ZNF573: variants seen among roughly 807,000 people sequenced by gnomAD.
ZNF573 encodes the protein zinc finger protein 573.
In ZNF573, 41 loss-of-function variants were observed where a neutral mutation model predicts 57.4. The observed-to-expected ratio is 0.71, with a 90% CI of 0.56 to 0.93. The LOEUF (loss-of-function observed/expected upper bound fraction) is 0.93, where lower values mean the gene tolerates loss of function less well. Among genes scored for constraint, ZNF573 ranks in the 40% least tolerant of loss-of-function variants. ZNF573 has a pLI of 0.00. For missense variants in ZNF573, 730 were observed against 794.8 expected (o/e 0.92, Z 0.98); for synonymous variants, 249 against 261.0 (o/e 0.95, Z 0.44).
intron 1 of ZNF573, among the ~76,000 whole-genome samples, chr19:37,774,277 A>G (rs2045687407): frequency 6.6e-6 from 1 of 151,826 alleles, no homozygotes; most frequent in South Asian, 2.1e-4. Context: ...AGCTGGGACT[A>G]CAGGTGCGTA....
chr19:37,755,309 C>G (rs1032787457), intron 4 of ZNF573: 1 of 152,220 alleles, frequency 6.6e-6, no homozygotes. Context: ...AATCTAATTA[C>G]AATGCTTATC....
intron 4 of ZNF573, among the ~76,000 whole-genome samples, chr19:37,747,974 C>A (rs919865229): frequency 6.6e-5 from 10 of 152,226 alleles, no homozygotes; most frequent in Non-Finnish European, 1.2e-4. Context: ...GCATGAGCCA[C>A]CGCGCCCGGC....
At chr19:37,753,098 A>G (rs550743733) in intron 4 of ZNF573, among the ~76,000 whole-genome samples, 2 of 152,148 alleles carry the variant, frequency 1.3e-5, no homozygotes, top group Non-Finnish European at 2.9e-5. Context: ...CTACAAAAAA[A>G]TTTTTAAAAA....
chr19:37,760,473 T>C (rs941658032), intron 4 of ZNF573, among the ~76,000 whole-genome samples: 1 of 152,150 alleles, frequency 6.6e-6, no homozygotes, highest in Non-Finnish European at 1.5e-5. Flanking sequence ...GAGTCCATAT[T>C]GATATAAATA....
chr19:37,750,831 C>CAAA (rs537735677), intron 4 of ZNF573, among the ~76,000 whole-genome samples: 3 of 98,210 alleles, frequency 3.1e-5, no homozygotes, highest in Admixed American at 1.1e-4. Flanking sequence ...GACCCAGTCT[C>CAAA]AAAAAAAAAA....
At chr19:37,752,016 T>G (rs2045442152) in intron 4 of ZNF573, among the ~76,000 whole-genome samples, 1 of 148,758 alleles carries the variant, frequency 6.7e-6, no homozygotes, top group Non-Finnish European at 1.5e-5. Context: ...TAGTACATAG[T>G]ACCGTATATA....
In ZNF573 at chr19:37,739,318, C is replaced by T. The variant is rs1599679797; in HGVS notation, c.1172G>A (p.Cys391Tyr). 1.2e-6 allele frequency: 2 copies of T among 1,614,042 alleles called. No individual in the cohort carries two copies. Among genetic ancestry groups the T allele is most frequent in the South Asian group, 1.1e-5 (1 of 91,076 alleles). Reference protein sequence around the residue: ...TGEKLFECKQCGKTYTTGSKL... With the variant: ...TGEKLFECKQYGKTYTTGSKL... ...TGAACCAGTAGTATAGGTCTTCCCA[C>T]ATTGCTTGCATTCAAAAAGTTTCTC... is the stretch of plus-strand genomic sequence containing the variant. The change falls in exon 5 of 5, where the codon TGT (cysteine) becomes TAT (tyrosine). Residue 391 changes from cysteine to tyrosine, a missense_variant. Physicochemically the swap from Cys to Tyr is radical, Grantham distance 194. Coordinates refer to ENST00000536220, the MANE Select transcript of ZNF573 (RefSeq NM_001172690.2).
intron 4 of ZNF573, among the ~76,000 whole-genome samples, chr19:37,762,992 C>T (rs992221550): frequency 3.9e-5 from 6 of 151,970 alleles, no homozygotes; most frequent in Admixed American, 2.0e-4. Context: ...AGGCTGGTCT[C>T]GAACTCCTGA....
intron 4 of ZNF573, among the ~76,000 whole-genome samples, chr19:37,768,255 C>T (rs772358796): frequency 6.6e-6 from 1 of 152,094 alleles, no homozygotes; most frequent in Non-Finnish European, 1.5e-5. Flanking sequence ...TGGTTCTAAT[C>T]CTTCTTATTC....
At chr19:37,748,623 C>T (rs1198920133) in intron 4 of ZNF573, among the ~76,000 whole-genome samples, 1 of 151,914 alleles carries the variant, frequency 6.6e-6, no homozygotes, top group Non-Finnish European at 1.5e-5. Context: ...AGTAAGGTAA[C>T]ACCAAGATAA....
chr19:37,749,818 G>A (rs79825853), intron 4 of ZNF573, among the ~76,000 whole-genome samples: 4,836 of 152,212 alleles, frequency 0.032, 111 homozygotes, highest in Non-Finnish European at 0.052. Flanking sequence ...ACAGTAAGAT[G>A]GCATTAGGAT....
In ZNF573 at chr19:37,739,218, G is replaced by A; in HGVS notation, c.1272C>T (p.Ser424=). Reference sequence around the variant, plus strand: ...GATGTTGTTTAAGGTAGCCATACAAGCTAAAGGCCTTTCCGCATTCCTTGC... The same window carrying A: ...GATGTTGTTTAAGGTAGCCATACAAACTAAAGGCCTTTCCGCATTCCTTGC... ...YECKECGKAF[S]LYGYLKQHQK... The change falls in exon 5 of 5, where the codon AGC becomes AGT. Residue 424 remains serine, a synonymous_variant. Coordinates refer to ENST00000536220, the MANE Select transcript of ZNF573 (RefSeq NM_001172690.2). The A allele has an allele frequency of 6.2e-7, 1 of 1,613,578 alleles. No homozygotes were observed. The highest frequency in any genetic ancestry group is 8.5e-7 in the Non-Finnish European group (1 of 1,179,896).
At chr19:37,766,208 A>G (rs896994105) in intron 4 of ZNF573, among the ~76,000 whole-genome samples, 2 of 152,228 alleles carry the variant, frequency 1.3e-5, no homozygotes, top group Non-Finnish European at 2.9e-5. Context: ...ATGTCTGATG[A>G]ATTAATACAT....
intron 2 of ZNF573, 79 bp from the exon 3 acceptor site, chr19:37,771,775 A>T: frequency 6.9e-7 from 1 of 1,445,152 alleles, no homozygotes. Flanking sequence ...ACATTAGAGA[A>T]AAGGAGTGAT....
At chr19:37,774,273 G>A (rs1229440009) in intron 1 of ZNF573, among the ~76,000 whole-genome samples, 53 of 151,954 alleles carry the variant, frequency 3.5e-4, no homozygotes, top group Non-Finnish European at 1.3e-4. Context: ...AAGTAGCTGG[G>A]ACTACAGGTG....
At chr19:37,768,146 T>G (rs2045619183) in intron 4 of ZNF573, among the ~76,000 whole-genome samples, 1 of 152,228 alleles carries the variant, frequency 6.6e-6, no homozygotes, top group Admixed American at 6.5e-5. Context: ...GTGACATGAT[T>G]GTTTAACTTG....
chr19:37,738,775 T>G lies in ZNF573; in HGVS notation c.1715A>C (p.His572Pro), dbSNP rs1273463667. 1 of 1,614,144 alleles carries G rather than the reference T, an allele frequency of 6.2e-7. No individual in the cohort carries two copies. Among genetic ancestry groups the G allele is most frequent in the Non-Finnish European group, 8.5e-7 (1 of 1,180,024 alleles). Residue 572 changes from histidine to proline, a missense_variant, in exon 5 of 5, where the codon CAT becomes CCT. By Grantham distance (77) the His-to-Pro change is moderately conservative. Coordinates refer to ENST00000536220, the MANE Select transcript of ZNF573 (RefSeq NM_001172690.2). ...TFRRSSHLTA[H>P]QSIHADKKPY... The stretch of plus-strand genomic sequence containing the variant: ...TTTTTTATCAGCATGAATGCTCTGA[T>G]GTGCAGTAAGGTGTGAACTACGTCT...
intron 4 of ZNF573, among the ~76,000 whole-genome samples, chr19:37,767,369 C>G (rs2045611616): frequency 6.6e-6 from 1 of 152,142 alleles, no homozygotes; most frequent in Non-Finnish European, 1.5e-5. Flanking sequence ...GCTGGGACTA[C>G]AGGCGCCCGC....
At chr19:37,750,169 G>A (rs940806175) in intron 4 of ZNF573, among the ~76,000 whole-genome samples, 1 of 150,420 alleles carries the variant, frequency 6.6e-6, no homozygotes, top group Non-Finnish European at 1.5e-5. Context: ...CACAACCTCC[G>A]CCTCCTGGGT....
Sources: allele counts gnomAD v4.1 joint callset (sites outside exome capture counted in the v4.1 genomes callset), GRCh38; gene constraint gnomAD v4.1.1; transcripts MANE v1.5; gene names NCBI Gene and HGNC (gene_info 2026-07-23, HGNC 2026-07-21).